Variants in ABR observed in about 807,000 individuals in gnomAD.
ABR encodes the protein ABR activator of RhoGEF and GTPase.
A neutral mutation model predicts 107.2 loss-of-function variants in ABR; 35 were observed. The observed-to-expected ratio is 0.33, with a 90% CI of 0.25 to 0.43. ABR has a LOEUF of 0.43. ABR is among the 20% of genes least tolerant of loss of function. The pLI, the probability that ABR is intolerant of heterozygous loss-of-function variation, is 1.00. For synonymous variants in ABR, 498 were observed against 462.0 expected (o/e 1.08, Z -1.00); for missense variants, 815 against 1,115.2 (o/e 0.73, Z 3.83).
chr17:1,135,957 A>AT (rs35676621), intron 1 of ABR, among the ~76,000 whole-genome samples: 56 of 149,202 alleles, frequency 3.8e-4, no homozygotes, highest in East Asian at 5.9e-4. Context: ...AAATTTTAGC[A>AT]TTTTTTTTTT....
chr17:1,146,443 C>T (rs984213635), intron 1 of ABR, among the ~76,000 whole-genome samples: 1 of 152,096 alleles, frequency 6.6e-6, no homozygotes, highest in African/African-American at 2.4e-5. Flanking sequence ...AAAGGTGAAA[C>T]GGAATGATAG....
intron 16 of ABR, among the ~76,000 whole-genome samples, chr17:1,036,909 G>C (rs2073223155): frequency 1.3e-5 from 2 of 152,180 alleles, no homozygotes; most frequent in Non-Finnish European, 2.9e-5. Context: ...TTCAGAGCCT[G>C]CATTCAGCCT....
intron 11 of ABR, 91 bp from the exon 12 acceptor site, chr17:1,058,136 C>CTTTTTTTTTTTTTT: frequency 3.5e-6 from 1 of 287,808 alleles, no homozygotes; most frequent in Non-Finnish European, 6.1e-6. Flanking sequence ...CTCCTTTTAT[C>CTTTTTTTTTTTTTT]TTTTTTTTTT....
At chr17:1,124,495 C>T (rs2039500742) in intron 2 of ABR, among the ~76,000 whole-genome samples, 1 of 152,268 alleles carries the variant, frequency 6.6e-6, no homozygotes, top group South Asian at 2.1e-4. Context: ...GTGTCTCCGA[C>T]AGGCACACAC....
Position 1,005,402 on chromosome 17 carries a change from TC to T in ABR, c.*677del. On this transcript the variant is annotated 3_prime_UTR_variant, in exon 23 of 23. Coordinates refer to ENST00000302538, the MANE Select transcript of ABR (RefSeq NM_021962.5). ...GGACGAGTGTGAGTGTGTCTGCTTG[TC>T]CAACATTTGCACAGGCAGCAAGGCA... 1 of 369,980 alleles carries T rather than the reference TC, an allele frequency of 2.7e-6. No homozygotes were observed. Among genetic ancestry groups the T allele is most frequent in the Non-Finnish European group, 4.8e-6 (1 of 208,402 alleles). 22.9% of individuals were successfully genotyped at this position (369,980 alleles called of 1,614,324 possible). A position where few individuals can be genotyped will look rare whatever the true frequency, so the allele number is the denominator to read the frequency against.
chr17:1,031,314 G>A (rs1447297339), intron 16 of ABR, among the ~76,000 whole-genome samples: 2 of 152,162 alleles, frequency 1.3e-5, no homozygotes, highest in African/African-American at 4.8e-5. Context: ...TGCGCTGTTT[G>A]CACTCCCGGA....
rs953880359 is a variant in ABR at position 1,003,674 on chromosome 17, G to C, written c.*2406C>G. The C allele has an allele frequency of 2.6e-5, 4 of 152,450 alleles. No individual in the cohort carries two copies. The highest frequency in any genetic ancestry group is 9.7e-5 in the African/African-American group (4 of 41,444). 9.4% of individuals were successfully genotyped at this position (152,450 alleles called of 1,614,324 possible). ...TATTAAAGTCAGATATTCATGAAGGGTCCCATCCTACCTGTGTATCAGCAG... is the reference window on the plus strand; with the variant it reads ...TATTAAAGTCAGATATTCATGAAGGCTCCCATCCTACCTGTGTATCAGCAG... On this transcript the variant is annotated 3_prime_UTR_variant, in exon 23 of 23. Transcript: ENST00000302538.
chr17:1,048,249 A>G (rs12600849), intron 16 of ABR, among the ~76,000 whole-genome samples: 15,877 of 152,242 alleles, frequency 0.1, 975 homozygotes, highest in Admixed American at 0.2. Context: ...CAGGGTGCAG[A>G]CCCCACAGCA....
At chr17:1,222,866 G>A (rs545650566) in intron 1 of ABR, among the ~76,000 whole-genome samples, 1 of 152,204 alleles carries the variant, frequency 6.6e-6, no homozygotes, top group East Asian at 1.9e-4. Flanking sequence ...CTGTGTTCAT[G>A]CCACTGCACT....
upstream of ABR, among the ~76,000 whole-genome samples, chr17:1,191,244 T>A (rs1177869267): frequency 6.6e-6 from 1 of 152,150 alleles, no homozygotes; most frequent in South Asian, 2.1e-4. Context: ...CAGACGGCGG[T>A]TGGTCTGCCA....
At chr17:1,215,321 C>T (rs1295334693) in intron 1 of ABR, among the ~76,000 whole-genome samples, 1 of 151,478 alleles carries the variant, frequency 6.6e-6, no homozygotes, top group Non-Finnish European at 1.5e-5. Context: ...GCCATCTCGG[C>T]TCACTGCAAG....
intron 16 of ABR, among the ~76,000 whole-genome samples, chr17:1,032,661 C>CAGAGGACGCCACAGG (rs1407110844): frequency 1.3e-5 from 2 of 148,826 alleles, no homozygotes; most frequent in Non-Finnish European, 3.0e-5. Flanking sequence ...GTGCTGGGCG[C>CAGAGGACGCCACAGG]CTTGAGAGAG....
chr17:1,028,160 G>A lies in ABR; in HGVS notation c.1792-14996C>T, dbSNP rs555635317. On this transcript the variant is annotated intron_variant, in intron 16 of 22. Coordinates refer to ENST00000302538, the MANE Select transcript of ABR (RefSeq NM_021962.5). ...GGCTGGAGTGCAGTGGCATGATCTC[G>A]GCTCACTGCAACCTCCACCTCCCAG... Among the ~76,000 whole-genome samples, 238 of 152,080 alleles carry A rather than the reference G, an allele frequency of 1.6e-3. 1 individual carries two copies. The highest frequency in any genetic ancestry group is 5.2e-3 in the African/African-American group (215 of 41,480).
At position 1,027,871 on chromosome 17, in the gene ABR, G is replaced by A. The variant is rs925131383; in HGVS notation, c.1792-14707C>T. ...AGAAGGCTGCGAGATCTTTCCTGAC[G>A]CCCAGACTGGATTATAAAATAAAGT... On this transcript the variant is annotated intron_variant, in intron 16 of 22. Transcript: ENST00000302538. This position sits in a 1 kb window ranked among gnomAD's most constrained non-coding sequence, Gnocchi z 4.7. 3.3e-5 allele frequency among the ~76,000 whole-genome samples: 5 copies of A among 151,970 alleles called. No homozygotes were observed. Among genetic ancestry groups the A allele is most frequent in the African/African-American group, 4.8e-5 (2 of 41,360 alleles).
In ABR at chr17:1,011,800, G is replaced by A; in HGVS notation, c.2101+46C>T. 6.5e-7 allele frequency: 1 copy of A among 1,535,138 alleles called. No individual in the cohort carries two copies. The highest frequency in any genetic ancestry group is 8.8e-7 in the Non-Finnish European group (1 of 1,135,300). On this transcript the variant is annotated intron_variant, in intron 19 of 22. Transcript: ENST00000302538. This position sits in a 1 kb window ranked among gnomAD's most constrained non-coding sequence, Gnocchi z 4.8. ...GCTCTCCTGTCCATCCCACCAGCCTGCTCAGACACAGCCACACCTGCCCCG... is the reference window on the plus strand; with the variant it reads ...GCTCTCCTGTCCATCCCACCAGCCTACTCAGACACAGCCACACCTGCCCCG...
At chr17:1,063,352 C>T (rs1316315610) in intron 10 of ABR, among the ~76,000 whole-genome samples, 116 of 110,190 alleles carry the variant, frequency 1.1e-3, no homozygotes, top group Middle Eastern at 7.9e-3. Context: ...ACTGTTGTTA[C>T]GTGAACTGAG....
In ABR at chr17:1,010,162, C is replaced by A; in HGVS notation, c.2237-378G>T. ...GGATTCTCTTTCTCCACCCCTTCTG[C>A]TGCTGGAGCGTGGGTGCAAGCAGCC... On this transcript the variant is annotated intron_variant, in intron 20 of 22. Coordinates refer to ENST00000302538, the MANE Select transcript of ABR (RefSeq NM_021962.5). This position sits in a 1 kb window ranked among gnomAD's most constrained non-coding sequence, Gnocchi z 4.1. The A allele has an allele frequency of 3.7e-6, 1 of 268,146 alleles. No homozygotes were observed. Among genetic ancestry groups the A allele is most frequent in the Non-Finnish European group, 7.3e-6 (1 of 137,710 alleles). The allele number at this position is 268,146 out of a possible 1,614,324, so 16.6% of individuals were successfully genotyped here. A position where few individuals can be genotyped will look rare whatever the true frequency, so the allele number is the denominator to read the frequency against.
At chr17:1,089,366 T>C (rs1206148838) in intron 4 of ABR, among the ~76,000 whole-genome samples, 1 of 152,110 alleles carries the variant, frequency 6.6e-6, no homozygotes, top group Non-Finnish European at 1.5e-5. Flanking sequence ...CTCCTCAAAA[T>C]CACCCAATGA....
intron 2 of ABR, among the ~76,000 whole-genome samples, chr17:1,114,592 G>A (rs1201472802): frequency 6.6e-6 from 1 of 152,146 alleles, no homozygotes; most frequent in Non-Finnish European, 1.5e-5. Context: ...GGCTAACACG[G>A]TGAAACCCCG....
Sources: allele counts gnomAD v4.1 joint callset (sites outside exome capture counted in the v4.1 genomes callset), GRCh38; gene constraint gnomAD v4.1.1; non-coding constraint Gnocchi (gnomAD v3.1); transcripts MANE v1.5; gene names NCBI Gene and HGNC (gene_info 2026-07-23, HGNC 2026-07-21).